Variants in NRXN1 observed in about 807,000 individuals in gnomAD.
The protein encoded by NRXN1 is neurexin-1.
A neutral mutation model predicts 150.9 loss-of-function variants in NRXN1; 39 were observed. That is an observed-to-expected ratio of 0.26 (90% CI 0.20 to 0.34). The LOEUF (loss-of-function observed/expected upper bound fraction) is 0.34, where lower values mean the gene tolerates loss of function less well. NRXN1 is among the 10% of genes least tolerant of loss of function. The pLI, the probability that NRXN1 is intolerant of heterozygous loss-of-function variation, is 1.00. For synonymous variants in NRXN1, 924 were observed against 757.0 expected (o/e 1.22, Z -3.62); for missense variants, 1,815 against 1,949.9 (o/e 0.93, Z 1.30).
chr2:49,942,198 G>A (rs549244583), intron 22 of NRXN1, among the ~76,000 whole-genome samples: 37 of 152,128 alleles, frequency 2.4e-4, no homozygotes, highest in Non-Finnish European at 5.0e-4. Context: ...GATGTTTCTG[G>A]GAGCTGAGAG....
chr2:50,602,409 T>A (rs1312720822), intron 8 of NRXN1, among the ~76,000 whole-genome samples: 1 of 151,830 alleles, frequency 6.6e-6, no homozygotes, highest in South Asian at 2.1e-4. Flanking sequence ...TTTTTTTCTC[T>A]CAAGCTTCAT....
chr2:50,549,228 T>G (rs2093559175), intron 9 of NRXN1, among the ~76,000 whole-genome samples: 1 of 152,174 alleles, frequency 6.6e-6, no homozygotes, highest in Admixed American at 6.5e-5. Context: ...AGCCATTCAT[T>G]CAATTTTTAA....
intron 5 of NRXN1, among the ~76,000 whole-genome samples, chr2:50,724,818 T>C (rs1216933134): frequency 1.3e-5 from 2 of 152,202 alleles, no homozygotes; most frequent in Non-Finnish European, 2.9e-5. Flanking sequence ...AAAATATTTA[T>C]TGGGCAACCT....
chr2:50,495,374 GTGTGTGGTGTGTGTGTGT>G (rs1249720433), intron 15 of NRXN1, among the ~76,000 whole-genome samples: 18 of 7,716 alleles, frequency 2.3e-3, no homozygotes, highest in African/African-American at 5.8e-3. Context: ...GTGTGTGTGT[GTGTGTGGTGTGTGTGTGT>G]GTGTGTGTGT....
At chr2:50,584,857 GC>G (rs757656309) in intron 8 of NRXN1, among the ~76,000 whole-genome samples, 14 of 152,098 alleles carry the variant, frequency 9.2e-5, no homozygotes, top group Non-Finnish European at 2.1e-4. Flanking sequence ...GAGAATCTCA[GC>G]CCCATGTAGA....
intron 19 of NRXN1, among the ~76,000 whole-genome samples, chr2:50,090,424 C>T (rs1176659833): frequency 6.6e-6 from 1 of 151,776 alleles, no homozygotes; most frequent in African/African-American, 2.4e-5. Context: ...AAATTGTGTG[C>T]TTTGCAAAAA....
intron 8 of NRXN1, among the ~76,000 whole-genome samples, chr2:50,614,644 T>A (rs12619833): frequency 0.21 from 27,149 of 128,144 alleles, 3,268 homozygotes; most frequent in East Asian, 0.39. Context: ...AATAAAAATA[T>A]ATATATATAT....
chr2:50,740,198 G>T (rs1358438594), intron 5 of NRXN1, among the ~76,000 whole-genome samples: 9 of 152,246 alleles, frequency 5.9e-5, no homozygotes, highest in Admixed American at 5.2e-4. Context: ...CTCAGACCAG[G>T]GACATGAGTC....
At chr2:50,971,600 TA>T (rs1431536275) in intron 2 of NRXN1, among the ~76,000 whole-genome samples, 4 of 151,704 alleles carry the variant, frequency 2.6e-5, no homozygotes, top group African/African-American at 9.7e-5. Flanking sequence ...ATTAATAAAA[TA>T]AAAAATAAAT....
chr2:50,317,010 G>A (rs1335766726), intron 17 of NRXN1, among the ~76,000 whole-genome samples: 1 of 151,862 alleles, frequency 6.6e-6, no homozygotes, highest in Non-Finnish European at 1.5e-5. Context: ...GGATCCACGA[G>A]GACATTATTA....
intron 19 of NRXN1, among the ~76,000 whole-genome samples, chr2:50,083,335 CT>C (rs1307044482): frequency 3.9e-5 from 6 of 152,168 alleles, no homozygotes; most frequent in Admixed American, 3.9e-4. Flanking sequence ...GTTTGCCAAC[CT>C]GTGTAGTTTA....
intron 12 of NRXN1, among the ~76,000 whole-genome samples, chr2:50,520,963 T>C (rs773995275): frequency 1.1e-4 from 17 of 152,186 alleles, no homozygotes; most frequent in African/African-American, 3.8e-4. Flanking sequence ...AGTATGTTTG[T>C]TCTATAATAT....
chr2:50,081,032 T>A (rs1443301498), intron 19 of NRXN1, among the ~76,000 whole-genome samples: 1 of 152,232 alleles, frequency 6.6e-6, no homozygotes, highest in African/African-American at 2.4e-5. Flanking sequence ...TAATTTTGTA[T>A]ACAAATGTAG....
At chr2:50,531,832 TG>T (rs5831133) in intron 10 of NRXN1, among the ~76,000 whole-genome samples, 2,139 of 152,102 alleles carry the variant, frequency 0.014, 45 homozygotes, top group African/African-American at 0.049. Flanking sequence ...TTTTTGTTGT[TG>T]TTTTTGTTTG....
intron 21 of NRXN1, among the ~76,000 whole-genome samples, chr2:50,048,370 T>C (rs1440037472): frequency 6.6e-6 from 1 of 152,112 alleles, no homozygotes; most frequent in East Asian, 1.9e-4. Flanking sequence ...TGCACAGTGG[T>C]TATCAGGAAC....
At position 50,278,245 on chromosome 2, in the gene NRXN1, T is replaced by TATATGTATTATATATATATA. The variant is rs1171944642; in HGVS notation, c.3365-41276_3365-41275insTATATATATATAATACATAT. Among the ~76,000 whole-genome samples the TATATGTATTATATATATATA allele has an allele frequency of 2.1e-4, 26 of 124,376 alleles. 1 individual carries two copies. The Admixed American group carries it at 2.2e-3, about 10-fold the overall frequency. 81.6% of individuals were successfully genotyped at this position (124,376 alleles called of 152,430 possible). A position where few individuals can be genotyped will look rare whatever the true frequency, so the allele number is the denominator to read the frequency against. On this transcript the variant is annotated intron_variant, in intron 17 of 22. Coordinates refer to ENST00000401669, the MANE Select transcript of NRXN1 (RefSeq NM_001330078.2). ...ACCTGGCTTTTATATATATATAATA[T>TATATGTATTATATATATATA]ATATATATATTATATATATTATATA...
intron 5 of NRXN1, among the ~76,000 whole-genome samples, chr2:50,905,478 A>G (rs1023634579): frequency 6.6e-6 from 1 of 152,130 alleles, no homozygotes; most frequent in African/African-American, 2.4e-5. Flanking sequence ...AAATAACTAC[A>G]TCTATGAACC....
chr2:50,155,211 A>C (rs1479891702), intron 18 of NRXN1, among the ~76,000 whole-genome samples: 1 of 151,662 alleles, frequency 6.6e-6, no homozygotes, highest in Non-Finnish European at 1.5e-5. Flanking sequence ...TTGAAAATGT[A>C]ATTCCTTTCT....
intron 2 of NRXN1, among the ~76,000 whole-genome samples, chr2:50,929,350 A>G (rs1687391851): frequency 6.6e-6 from 1 of 152,142 alleles, no homozygotes; most frequent in African/African-American, 2.4e-5. Flanking sequence ...AATCAGTGCT[A>G]AAGTTTGGCA....
Sources: allele counts gnomAD v4.1 joint callset (sites outside exome capture counted in the v4.1 genomes callset), GRCh38; gene constraint gnomAD v4.1.1; transcripts MANE v1.5; gene names NCBI Gene and HGNC (gene_info 2026-07-23, HGNC 2026-07-21).